NRXN3: variants seen among roughly 807,000 people sequenced by gnomAD.
NRXN3 encodes neurexin III.
A neutral mutation model predicts 137.6 loss-of-function variants in NRXN3; 32 were observed. The ratio of observed to expected loss-of-function variants is 0.23; its 90% CI spans 0.18 to 0.31. The LOEUF (loss-of-function observed/expected upper bound fraction) is 0.31, where lower values mean the gene tolerates loss of function less well. Ranked by LOEUF, NRXN3 falls within the 10% of genes least tolerant of loss-of-function variation. The probability of loss-of-function intolerance (pLI) is 1.00; values close to 1 mark genes in which losing one functional copy is unlikely to be tolerated. For synonymous variants in NRXN3, 798 were observed against 784.5 expected (o/e 1.02, Z -0.29); for missense variants, 1,574 against 2,062.5 (o/e 0.76, Z 4.59).
intron 15 of NRXN3, among the ~76,000 whole-genome samples, chr14:79,436,821 G>A (rs1432273260): frequency 6.6e-6 from 1 of 152,014 alleles, no homozygotes; most frequent in East Asian, 1.9e-4. Flanking sequence ...CACCAACCCT[G>A]CTTTTAAAAT....
chr14:78,594,516 C>T (rs1453586983), intron 4 of NRXN3, among the ~76,000 whole-genome samples: 1 of 152,218 alleles, frequency 6.6e-6, no homozygotes, highest in Non-Finnish European at 1.5e-5. Context: ...ATGGTCAATA[C>T]AACTACTCTT....
At chr14:79,502,759 G>A (rs911674543) in intron 16 of NRXN3, among the ~76,000 whole-genome samples, 13 of 152,070 alleles carry the variant, frequency 8.5e-5, no homozygotes, top group South Asian at 8.3e-4. Flanking sequence ...CTTTATCATA[G>A]CATGCTGGTT....
chr14:79,375,530 G>T (rs548265587), intron 15 of NRXN3, among the ~76,000 whole-genome samples: 5 of 151,956 alleles, frequency 3.3e-5, no homozygotes, highest in African/African-American at 1.2e-4. Flanking sequence ...GTCTCTTTCC[G>T]CAGCGGGACG....
chr14:79,396,895 G>A (rs1289393031), intron 15 of NRXN3, among the ~76,000 whole-genome samples: 2 of 152,056 alleles, frequency 1.3e-5, no homozygotes, highest in Admixed American at 1.3e-4. Context: ...TGGTCAATGC[G>A]CTACTTATTA....
At chr14:78,460,564 G>T (rs535654190) in intron 4 of NRXN3, among the ~76,000 whole-genome samples, 1 of 152,172 alleles carries the variant, frequency 6.6e-6, no homozygotes, top group Admixed American at 6.5e-5. Flanking sequence ...GGAGAGTGAG[G>T]AGTTGGCAAA....
At chr14:79,161,488 T>C (rs1250961556) in intron 15 of NRXN3, among the ~76,000 whole-genome samples, 1 of 151,994 alleles carries the variant, frequency 6.6e-6, no homozygotes, top group Non-Finnish European at 1.5e-5. Flanking sequence ...ACACGGCATA[T>C]ATTTGATACA....
chr14:79,437,073 C>T (rs894913030), intron 15 of NRXN3, among the ~76,000 whole-genome samples: 5 of 152,076 alleles, frequency 3.3e-5, no homozygotes, highest in African/African-American at 7.2e-5. Context: ...GTCAAAGGCC[C>T]TTCCGAATCT....
intron 11 of NRXN3, among the ~76,000 whole-genome samples, chr14:78,959,611 A>G (rs958655847): frequency 6.6e-6 from 1 of 152,200 alleles, no homozygotes; most frequent in Non-Finnish European, 1.5e-5. Flanking sequence ...CTTCGATTAC[A>G]CATAGACATA....
At chr14:79,470,939 AAAGAG>A (rs2096495170) in intron 16 of NRXN3, among the ~76,000 whole-genome samples, 1 of 85,778 alleles carries the variant, frequency 1.2e-5, no homozygotes, top group Non-Finnish European at 2.3e-5. Flanking sequence ...AGAGAGAGAG[AAAGAG>A]AGAGAGAGTG....
At chr14:79,579,011 T>C (rs1175366706) in intron 16 of NRXN3, among the ~76,000 whole-genome samples, 3 of 152,146 alleles carry the variant, frequency 2.0e-5, no homozygotes, top group Non-Finnish European at 4.4e-5. Context: ...TATTTTAAAA[T>C]TGCTCTTCAG....
chr14:78,352,610 G>C (rs1483236384), intron 4 of NRXN3, among the ~76,000 whole-genome samples: 1 of 152,200 alleles, frequency 6.6e-6, no homozygotes, highest in Non-Finnish European at 1.5e-5. Context: ...AACAGGCTTT[G>C]TGCGGACATC....
intron 10 of NRXN3, among the ~76,000 whole-genome samples, chr14:78,848,483 G>A (rs535829902): frequency 1.3e-5 from 2 of 151,892 alleles, no homozygotes; most frequent in South Asian, 4.1e-4. Flanking sequence ...GCCATTACAG[G>A]CCGTGCCTTC....
chr14:79,475,736 C>T (rs1037169471), intron 16 of NRXN3, among the ~76,000 whole-genome samples: 1 of 151,998 alleles, frequency 6.6e-6, no homozygotes, highest in Non-Finnish European at 1.5e-5. Flanking sequence ...AACTCAAAAA[C>T]TTGTTATATT....
chr14:78,532,702 C>A (rs1193606573), intron 4 of NRXN3, among the ~76,000 whole-genome samples: 1 of 152,058 alleles, frequency 6.6e-6, no homozygotes, highest in Non-Finnish European at 1.5e-5. Flanking sequence ...CGCCACATCT[C>A]TTTAGCTCCC....
At chr14:79,301,730 GGT>G (rs112815653) in intron 15 of NRXN3, among the ~76,000 whole-genome samples, 16 of 150,664 alleles carry the variant, frequency 1.1e-4, no homozygotes, top group East Asian at 2.0e-4. Context: ...GTATTTGTGG[GGT>G]GTGTGTGTGT....
intron 15 of NRXN3, among the ~76,000 whole-genome samples, chr14:79,286,038 T>C (rs1485353424): frequency 1.3e-5 from 2 of 152,172 alleles, no homozygotes; most frequent in African/African-American, 4.8e-5. Flanking sequence ...TTTACAGATA[T>C]GGGGAAAAAA....
At chr14:79,832,144 AGTT>A (rs527709250) in intron 20 of NRXN3, among the ~76,000 whole-genome samples, 72 of 152,252 alleles carry the variant, frequency 4.7e-4, no homozygotes, top group African/African-American at 1.7e-3. Context: ...AATCCAACAT[AGTT>A]GTTATACTGT....
intron 15 of NRXN3, among the ~76,000 whole-genome samples, chr14:79,164,751 C>G (rs142486557): frequency 9.9e-5 from 15 of 152,056 alleles, no homozygotes; most frequent in Admixed American, 2.0e-4. Flanking sequence ...CAGGTCATTG[C>G]TCAGAAAAAT....
intron 1 of NRXN3, among the ~76,000 whole-genome samples, chr14:78,170,949 CTTCTTT>C (rs923705644): frequency 1.3e-4 from 16 of 119,862 alleles, no homozygotes; most frequent in East Asian, 4.9e-4. Flanking sequence ...TTATCTTCTT[CTTCTTT>C]TTTTTTTTTT....
Sources: allele counts gnomAD v4.1 joint callset (sites outside exome capture counted in the v4.1 genomes callset), GRCh38; gene constraint gnomAD v4.1.1; transcripts MANE v1.5; gene names NCBI Gene and HGNC (gene_info 2026-07-23, HGNC 2026-07-21).